The following RFX7 variants were observed in gnomAD, a reference collection of about 807,000 sequenced individuals.
The protein encoded by RFX7 is regulatory factor X7.
In RFX7, 26 loss-of-function variants were observed where a neutral mutation model predicts 111.8. The observed-to-expected ratio is 0.23, with a 90% CI of 0.17 to 0.32. RFX7 has a LOEUF of 0.32. Among genes scored for constraint, RFX7 ranks in the 10% least tolerant of loss-of-function variants. RFX7 has a pLI of 1.00. For synonymous variants in RFX7, 624 were observed against 624.4 expected, an observed-to-expected ratio of 1.00 and a Z score of 0.01; for missense variants, 1,573 against 1,772.9, an observed-to-expected ratio of 0.89 and a Z score of 2.02.
At chr15:56,241,720 TCACA>T (rs35506687) in intron 2 of RFX7, among the ~76,000 whole-genome samples, 5 of 150,774 alleles carry the variant, frequency 3.3e-5, no homozygotes, top group Admixed American at 1.3e-4. Context: ...CTGCTTTCTG[TCACA>T]CACACACACA....
rs139083620 is a variant in RFX7, at chr15:56,087,733, AT to A, written c.*5611del. On this transcript the variant is annotated 3_prime_UTR_variant, in exon 10 of 10. Coordinates refer to ENST00000559447, the MANE Select transcript of RFX7 (RefSeq NM_022841.7). ...TGACCTCATTGCATCCTGCAAAGAC[AT>A]TCACTGTGTCTTTTTCATTATATTG... 9.5e-3 allele frequency: 3,290 copies of A among 347,234 alleles called. 90 individuals are homozygous for A. The highest frequency in any genetic ancestry group is 0.062 in the African/African-American group (2,896 of 46,662). The allele number at this position is 347,234 out of a possible 1,614,324, so 21.5% of individuals were successfully genotyped here. A position where few individuals can be genotyped will look rare whatever the true frequency, so the allele number is the denominator to read the frequency against.
intron 2 of RFX7, among the ~76,000 whole-genome samples, chr15:56,195,473 A>T (rs1353592740): frequency 6.6e-6 from 1 of 152,184 alleles, no homozygotes; most frequent in Non-Finnish European, 1.5e-5. Flanking sequence ...ACTAGTGCCT[A>T]ATCAACAGAT....
chr15:56,150,288 C>A (rs1259346781), intron 3 of RFX7, among the ~76,000 whole-genome samples: 1 of 152,170 alleles, frequency 6.6e-6, no homozygotes, highest in Non-Finnish European at 1.5e-5. Context: ...GCAGAACTCC[C>A]AGTGCAGCGT....
intron 2 of RFX7, among the ~76,000 whole-genome samples, chr15:56,195,321 G>C (rs578108954): frequency 6.6e-6 from 1 of 152,168 alleles, no homozygotes; most frequent in African/African-American, 2.4e-5. Context: ...GAACTAGATA[G>C]AGGTGATGGC....
At chr15:56,150,164 A>T (rs2042548869) in intron 3 of RFX7, among the ~76,000 whole-genome samples, 1 of 152,214 alleles carries the variant, frequency 6.6e-6, no homozygotes, top group South Asian at 2.1e-4. Context: ...TGCGGTGGCC[A>T]GACTGCCTGA....
At chr15:56,117,081 T>G (rs1202904131) in intron 5 of RFX7, among the ~76,000 whole-genome samples, 1 of 152,146 alleles carries the variant, frequency 6.6e-6, no homozygotes, top group Non-Finnish European at 1.5e-5. Context: ...AGTTTCTGAA[T>G]CTGGATGCTG....
At chr15:56,159,914 GT>G (rs545895635) in intron 3 of RFX7, among the ~76,000 whole-genome samples, 532 of 152,282 alleles carry the variant, frequency 3.5e-3, no homozygotes, top group Non-Finnish European at 5.7e-3. Context: ...ATCTGCTCCT[GT>G]TTTTAGGGAC....
chr15:56,140,776 AT>A (rs1489243668), intron 5 of RFX7, among the ~76,000 whole-genome samples: 1 of 152,232 alleles, frequency 6.6e-6, no homozygotes, highest in Non-Finnish European at 1.5e-5. Flanking sequence ...TAGAAAAAAA[AT>A]CATAAGAATT....
intron 3 of RFX7, among the ~76,000 whole-genome samples, chr15:56,151,771 G>C (rs1253443518): frequency 3.3e-5 from 5 of 152,084 alleles, no homozygotes; most frequent in African/African-American, 1.2e-4. Flanking sequence ...TGGCAAATTA[G>C]ATAAAGAGTC....
chr15:56,195,879 CA>C (rs1371538964), intron 2 of RFX7, among the ~76,000 whole-genome samples: 1 of 152,126 alleles, frequency 6.6e-6, no homozygotes, highest in East Asian at 1.9e-4. Context: ...CAATGCTCTA[CA>C]AATGAGTCAT....
chr15:56,087,542 A>C lies in RFX7; in HGVS notation c.*5803T>G, dbSNP rs2041543339. On this transcript the variant is annotated 3_prime_UTR_variant, in exon 10 of 10. Transcript: ENST00000559447. ...GAAGTAGCACCCAAACCTTTTGGTT[A>C]CATCTCTTTGAGTACTTGGTAAGTG... 2.2e-6 allele frequency: 1 copy of C among 456,726 alleles called. No individual in the cohort carries two copies. The allele number at this position is 456,726 out of a possible 1,614,324, so 28.3% of individuals were successfully genotyped here. A position where few individuals can be genotyped will look rare whatever the true frequency, so the allele number is the denominator to read the frequency against.
Position 56,095,418 on chromosome 15 carries a change from A to G in RFX7, c.2310T>C (p.Asp770=), listed in dbSNP as rs757705622. ...LEGSVFLLDS[D]SKSVGSFNPN... ...GATTAAAGCTGCCAACTGACTTTGA[A>G]TCACTGTCCAAGAGAAAGACACTTC... The change falls in exon 10 of 10, where the codon GAT becomes GAC. Residue 770 remains aspartate (D), a synonymous_variant. Transcript: ENST00000559447. The G allele has an allele frequency of 6.2e-7, 1 of 1,613,228 alleles. No homozygotes were observed. Among genetic ancestry groups the G allele is most frequent in the South Asian group, 1.1e-5 (1 of 91,086 alleles).
chr15:56,112,106 CTT>C (rs1253678885), intron 5 of RFX7, among the ~76,000 whole-genome samples: 5 of 145,954 alleles, frequency 3.4e-5, no homozygotes, highest in African/African-American at 1.3e-4. Context: ...TAGAGGGACA[CTT>C]TGCCCCAGAA....
chr15:56,095,898 C>G lies in RFX7; in HGVS notation c.1830G>C (p.Leu610=). 1 of 1,605,268 alleles carries G rather than the reference C, an allele frequency of 6.2e-7. No homozygotes were observed. Among genetic ancestry groups the G allele is most frequent in the Non-Finnish European group, 8.5e-7 (1 of 1,179,832 alleles). Residue 610 remains leucine, a synonymous_variant, in exon 10 of 10, where the codon CTG becomes CTC. Coordinates refer to ENST00000559447, the MANE Select transcript of RFX7 (RefSeq NM_022841.7). ...TKCKSRCNEM[L]PGTSTGNNQS... ...GATTATTGCCTGTTGACGTGCCTGG[C>G]AGCATTTCATTACAGCGACTTTTAC...
rs2041554747 is a variant in RFX7, at chr15:56,088,481, C to A, written c.*4864G>T. On this transcript the variant is annotated 3_prime_UTR_variant, in exon 10 of 10. Transcript: ENST00000559447. Reference sequence around the variant, plus strand: ...ATTTATATGACTCTCTTCTCCTCTCCAAGAATTAAGTACTTCTTAAAAATC... The same window carrying A: ...ATTTATATGACTCTCTTCTCCTCTCAAAGAATTAAGTACTTCTTAAAAATC... 1 of 152,088 alleles carries A rather than the reference C, an allele frequency of 6.6e-6. No homozygotes were observed. Among genetic ancestry groups the A allele is most frequent in the African/African-American group, 2.4e-5 (1 of 41,420 alleles). 9.4% of individuals were successfully genotyped at this position (152,088 alleles called of 1,614,324 possible).
At chr15:56,235,372 C>T (rs1362675441) in intron 2 of RFX7, among the ~76,000 whole-genome samples, 1 of 152,074 alleles carries the variant, frequency 6.6e-6, no homozygotes, top group Non-Finnish European at 1.5e-5. Context: ...GACGGGGTTT[C>T]ACCATGTTAG....
At chr15:56,192,181 T>C (rs1430769802) in intron 2 of RFX7, among the ~76,000 whole-genome samples, 4 of 152,128 alleles carry the variant, frequency 2.6e-5, no homozygotes, top group African/African-American at 9.7e-5. Flanking sequence ...CTGTTACTAC[T>C]GTATCTAGCG....
At chr15:56,217,742 A>G (rs2043377495) in intron 2 of RFX7, among the ~76,000 whole-genome samples, 1 of 152,232 alleles carries the variant, frequency 6.6e-6, no homozygotes, top group African/African-American at 2.4e-5. Context: ...CTTTAATTGT[A>G]CACAGTTTTA....
At chr15:56,232,385 T>C (rs1252673096) in intron 2 of RFX7, among the ~76,000 whole-genome samples, 1 of 152,198 alleles carries the variant, frequency 6.6e-6, no homozygotes, top group Non-Finnish European at 1.5e-5. Flanking sequence ...AGTCTCTAGG[T>C]TGCAAAGAGC....
Sources: gnomAD v4.1 joint callset for allele counts (sites outside exome capture counted in the v4.1 genomes callset) on GRCh38, gnomAD v4.1.1 for gene constraint, MANE v1.5 for transcripts, NCBI Gene and HGNC (gene_info 2026-07-23, HGNC 2026-07-21) for gene names.